Variants in CRB1 observed in about 807,000 individuals in gnomAD.
CRB1 encodes the protein crumbs cell polarity complex component 1, also known as protein crumbs homolog 1.
A neutral mutation model predicts 120.0 loss-of-function variants in CRB1; 83 were observed. The observed-to-expected ratio is 0.69, with a 90% CI of 0.58 to 0.83. The LOEUF is 0.83. CRB1 is among the 40% of genes least tolerant of loss of function. The probability of loss-of-function intolerance (pLI) is 0.00; values close to 1 mark genes in which losing one functional copy is unlikely to be tolerated. For synonymous variants in CRB1, 625 were observed against 612.5 expected (o/e 1.02, Z -0.30); for missense variants, 1,699 against 1,687.6 (o/e 1.01, Z -0.12).
chr1:197,332,600 A>G (rs2125310779), intron 2 of CRB1, among the ~76,000 whole-genome samples: 1 of 152,316 alleles, frequency 6.6e-6, no homozygotes, highest in Non-Finnish European at 1.5e-5. Flanking sequence ...CTACACAAGT[A>G]GAATGGCCTG....
intron 2 of CRB1, among the ~76,000 whole-genome samples, chr1:197,329,640 A>C (rs1658736965): frequency 6.6e-6 from 1 of 152,212 alleles, no homozygotes; most frequent in Non-Finnish European, 1.5e-5. Context: ...GTTACATGCT[A>C]TTCAGCCTCT....
intron 4 of CRB1, among the ~76,000 whole-genome samples, chr1:197,351,738 CTGAGAGTCACATAGGAGCTGGAAATGA>C (rs1291312932): frequency 6.6e-6 from 1 of 152,000 alleles, no homozygotes; most frequent in African/African-American, 2.4e-5. Context: ...AGGGGTAGTC[CTGAGAGTCACATAGGAGCTGGAAATGA>C]TGTGGGGAGT....
intron 2 of CRB1, among the ~76,000 whole-genome samples, chr1:197,330,476 T>C (rs545284758): frequency 6.2e-4 from 95 of 152,200 alleles, no homozygotes; most frequent in Non-Finnish European, 1.2e-3. Context: ...CCCATGACAG[T>C]GGCCATGTCC....
At chr1:197,286,835 C>A (rs1345804666) in intron 1 of CRB1, among the ~76,000 whole-genome samples, 1 of 151,706 alleles carries the variant, frequency 6.6e-6, no homozygotes, top group Non-Finnish European at 1.5e-5. Flanking sequence ...AATGCAAAGC[C>A]ATATGGTTAT....
At chr1:197,266,204 A>C (rs1443286173), upstream of CRB1, among the ~76,000 whole-genome samples, 1 of 152,180 alleles carries the variant, frequency 6.6e-6, no homozygotes, top group Non-Finnish European at 1.5e-5. Flanking sequence ...AACAAAATTT[A>C]GACTGGGTAA....
At chr1:197,322,142 G>C (rs1658232900) in intron 1 of CRB1, among the ~76,000 whole-genome samples, 1 of 152,094 alleles carries the variant, frequency 6.6e-6, no homozygotes, top group Non-Finnish European at 1.5e-5. Flanking sequence ...AATACACTAA[G>C]GATTTCAAAG....
intron 1 of CRB1, among the ~76,000 whole-genome samples, chr1:197,282,707 A>G (rs1655593487): frequency 6.6e-6 from 1 of 151,876 alleles, no homozygotes; most frequent in Non-Finnish European, 1.5e-5. Context: ...ACAGAGAAAT[A>G]TTATTTCTCC....
chr1:197,468,414 T>A (rs1666840726), intron 11 of CRB1, among the ~76,000 whole-genome samples: 1 of 151,766 alleles, frequency 6.6e-6, no homozygotes, highest in Non-Finnish European at 1.5e-5. Context: ...AGGCATTCGG[T>A]AATAATTTGT....
chr1:197,397,697 G>A (rs1198899940), intron 5 of CRB1, among the ~76,000 whole-genome samples: 1 of 152,118 alleles, frequency 6.6e-6, no homozygotes, highest in African/African-American at 2.4e-5. Context: ...CTAAGTGAAA[G>A]TAGCAAGGTT....
Position 197,404,740 on chromosome 1 carries a change from A to G in CRB1, c.1172-16260A>G, listed in dbSNP as rs74466793. 6.8e-3 allele frequency among the ~76,000 whole-genome samples: 1,029 copies of G among 152,234 alleles called. 14 individuals carry two copies. Among genetic ancestry groups the G allele is most frequent in the African/African-American group, 0.023 (969 of 41,536 alleles). The stretch of plus-strand genomic sequence containing the variant: ...GTGCCCCTGCTAAACAGCAATTATT[A>G]TTGTTGTTTACATGTTTCAAACTTG... On this transcript the variant is annotated intron_variant, in intron 5 of 11. Coordinates refer to ENST00000367400, the MANE Select transcript of CRB1 (RefSeq NM_201253.3).
chr1:197,219,272 C>G, the CRB1 span, among the ~76,000 whole-genome samples: 2 of 152,190 alleles, frequency 1.3e-5, no homozygotes, highest in Non-Finnish European at 2.9e-5. Flanking sequence ...CTTACTATGT[C>G]CTGAATTCTG....
chr1:197,247,510 T>C, the CRB1 span, among the ~76,000 whole-genome samples: 1 of 152,034 alleles, frequency 6.6e-6, no homozygotes, highest in African/African-American at 2.4e-5. Context: ...AAAAAGATTA[T>C]AAATACAGAC....
upstream of CRB1, among the ~76,000 whole-genome samples, chr1:197,265,591 T>A (rs945096954): frequency 6.6e-6 from 1 of 152,238 alleles, no homozygotes; most frequent in African/African-American, 2.4e-5. Context: ...GTGTTTGACT[T>A]GGGAAGGATG....
At chr1:197,402,450 A>G (rs1040910895) in intron 5 of CRB1, among the ~76,000 whole-genome samples, 2 of 152,130 alleles carry the variant, frequency 1.3e-5, no homozygotes, top group Admixed American at 1.3e-4. Flanking sequence ...TCTTTATCCA[A>G]TCACAGTTAA....
intron 1 of CRB1, among the ~76,000 whole-genome samples, chr1:197,284,427 T>C (rs1655706100): frequency 6.6e-6 from 1 of 151,926 alleles, no homozygotes; most frequent in African/African-American, 2.4e-5. Flanking sequence ...AGCCATGTGT[T>C]TGTGACTGAG....
At chr1:197,337,557 T>G (rs537456717) in intron 2 of CRB1, among the ~76,000 whole-genome samples, 2 of 152,320 alleles carry the variant, frequency 1.3e-5, no homozygotes, top group East Asian at 3.9e-4. Flanking sequence ...CCATAGACTA[T>G]TTAGGCTATG....
At position 197,337,078 on chromosome 1, in the gene CRB1, C is replaced by T. The variant is rs192594494; in HGVS notation, c.653-7203C>T. The stretch of plus-strand genomic sequence containing the variant: ...GTATATGTTGAAATGCTGTCCAAGG[C>T]GATGAAAAGGTGAGGCTTTTGGGAG... On this transcript the variant is annotated intron_variant, in intron 2 of 11. Transcript: ENST00000367400. Among the ~76,000 whole-genome samples the T allele has an allele frequency of 3.3e-5, 5 of 152,198 alleles. No homozygotes were observed. In the East Asian group the frequency reaches 7.7e-4, roughly 23 times the overall value.
At chr1:197,364,000 C>T (rs1412120778) in intron 5 of CRB1, 10 of 1,385,378 alleles carry the variant, frequency 7.2e-6, no homozygotes, top group African/African-American at 1.4e-5. Context: ...AAAGTGCCGG[C>T]GGATCTACAG....
chr1:197,433,015 T>A (rs1664947823), intron 8 of CRB1, among the ~76,000 whole-genome samples: 1 of 151,812 alleles, frequency 6.6e-6, no homozygotes. Flanking sequence ...AGGGGCCAGA[T>A]CATGTAGATG....
Sources: gnomAD v4.1 joint callset for allele counts (sites outside exome capture counted in the v4.1 genomes callset) on GRCh38, gnomAD v4.1.1 for gene constraint, MANE v1.5 for transcripts, NCBI Gene and HGNC (gene_info 2026-07-23, HGNC 2026-07-21) for gene names.